Variants in FOXP1 observed in about 807,000 individuals in gnomAD.
The protein encoded by FOXP1 is forkhead box P1, also known as forkhead box protein P1.
Under a neutral mutation model 98.2 loss-of-function variants are expected in FOXP1, and 15 were observed. That is an observed-to-expected ratio of 0.15 (90% CI 0.10 to 0.24). The LOEUF (loss-of-function observed/expected upper bound fraction) is 0.24, where lower values mean the gene tolerates loss of function less well. FOXP1 is among the 10% of genes least tolerant of loss of function. The pLI, the probability that FOXP1 is intolerant of heterozygous loss-of-function variation, is 1.00. For synonymous variants in FOXP1, 371 were observed against 314.5 expected (o/e 1.18, Z -1.90); for missense variants, 633 against 848.5 (o/e 0.75, Z 3.15).
intron 3 of FOXP1, among the ~76,000 whole-genome samples, chr3:71,378,377 A>C (rs1248771377): frequency 3.6e-5 from 3 of 82,446 alleles, no homozygotes; most frequent in Admixed American, 2.5e-4. Flanking sequence ...GGTCTCAGTC[A>C]CCCCCAGTCA....
intron 2 of FOXP1, among the ~76,000 whole-genome samples, chr3:71,538,979 C>A (rs914407099): frequency 3.9e-5 from 6 of 152,052 alleles, no homozygotes; most frequent in African/African-American, 1.5e-4. Flanking sequence ...ATCAGCTGAC[C>A]ATAAATGTAA....
chr3:70,978,225 C>T (rs528297647), intron 14 of FOXP1, among the ~76,000 whole-genome samples, 196 bp from the exon 15 acceptor site: 3 of 152,342 alleles, frequency 2.0e-5, no homozygotes, highest in African/African-American at 7.2e-5. Context: ...ATATCTCTGG[C>T]AGCGGTCTCT....
chr3:71,392,386 C>G (rs548973533), intron 3 of FOXP1, among the ~76,000 whole-genome samples: 2 of 151,974 alleles, frequency 1.3e-5, no homozygotes, highest in African/African-American at 4.8e-5. Flanking sequence ...ATATAACAGT[C>G]GCGTTTAAAG....
At chr3:71,050,814 C>T (rs1488892927) in intron 9 of FOXP1, among the ~76,000 whole-genome samples, 2 of 152,148 alleles carry the variant, frequency 1.3e-5, no homozygotes, top group South Asian at 2.1e-4. Flanking sequence ...GATTTATGGG[C>T]GCATCAAACC....
intron 5 of FOXP1, among the ~76,000 whole-genome samples, chr3:71,226,698 C>T (rs142070637): frequency 6.6e-6 from 1 of 152,070 alleles, no homozygotes; most frequent in Non-Finnish European, 1.5e-5. Flanking sequence ...CTCTTAGTAT[C>T]CCTTTCTCTC....
chr3:71,064,724 C>G (rs1425258506), intron 7 of FOXP1: 32 of 819,372 alleles, frequency 3.9e-5, no homozygotes, highest in Non-Finnish European at 4.7e-5. Flanking sequence ...TCAGAACCCT[C>G]GGGCTCTCCT....
intron 3 of FOXP1, among the ~76,000 whole-genome samples, chr3:71,383,956 G>A (rs982123116): frequency 1.2e-4 from 18 of 152,298 alleles, no homozygotes; most frequent in African/African-American, 2.2e-4. Flanking sequence ...GGTGGCTCAC[G>A]CCTGTAATCC....
chr3:71,418,411 T>A (rs1410224533), intron 3 of FOXP1, among the ~76,000 whole-genome samples: 2 of 152,174 alleles, frequency 1.3e-5, no homozygotes, highest in African/African-American at 2.4e-5. Flanking sequence ...GCAGCATTTT[T>A]AAAAAATTTT....
At chr3:71,270,167 C>T (rs1482816694) in intron 5 of FOXP1, among the ~76,000 whole-genome samples, 2 of 152,108 alleles carry the variant, frequency 1.3e-5, no homozygotes, top group African/African-American at 2.4e-5. Flanking sequence ...ACTTTTTCAC[C>T]AGCAAGTTGT....
chr3:71,395,977 C>T (rs912573965), intron 3 of FOXP1, among the ~76,000 whole-genome samples: 1 of 152,068 alleles, frequency 6.6e-6, no homozygotes, highest in African/African-American at 2.4e-5. Context: ...GGCATCTTTG[C>T]ACCCACCAGG....
chr3:71,355,879 G>A (rs540659214), intron 4 of FOXP1, among the ~76,000 whole-genome samples: 4 of 152,250 alleles, frequency 2.6e-5, no homozygotes, highest in Admixed American at 6.5e-5. Flanking sequence ...CCAGGGTCAC[G>A]TGGTTGGCAC....
At chr3:71,104,362 T>A (rs1220173779) in intron 7 of FOXP1, among the ~76,000 whole-genome samples, 1 of 152,208 alleles carries the variant, frequency 6.6e-6, no homozygotes, top group East Asian at 1.9e-4. Flanking sequence ...CAAGACCTCA[T>A]TGTGGGATCA....
chr3:71,413,492 C>T (rs755577654), intron 3 of FOXP1, among the ~76,000 whole-genome samples: 20 of 152,050 alleles, frequency 1.3e-4, no homozygotes, highest in African/African-American at 3.4e-4. Flanking sequence ...TCTTTTTGTC[C>T]GTCACTAAAC....
chr3:71,390,222 G>A (rs1444178396), intron 3 of FOXP1, among the ~76,000 whole-genome samples: 3 of 152,108 alleles, frequency 2.0e-5, no homozygotes, highest in African/African-American at 4.8e-5. Context: ...CCTAAGTCAG[G>A]ACCTGCTGTA....
intron 19 of FOXP1, among the ~76,000 whole-genome samples, chr3:70,966,959 A>C (rs1459583321): frequency 2.0e-5 from 3 of 152,232 alleles, no homozygotes; most frequent in Middle Eastern, 3.4e-3. Context: ...TAAGGTACCC[A>C]AAAATTTGTT....
In FOXP1 at chr3:70,956,756, T is replaced by TAAAG. The variant is rs2031922007; in HGVS notation, c.*2490_*2491insCTTT. ...AGTTTTTTTTTTTTTTTTTTTTTTT[T>TAAAG]TTTTTTTTTTTTTTTTTAAAGTCTT... On this transcript the variant is annotated 3_prime_UTR_variant, in exon 21 of 21. Transcript: ENST00000649528. 1 of 191,456 alleles carries TAAAG rather than the reference T, an allele frequency of 5.2e-6. No individual in the cohort carries two copies. Among genetic ancestry groups the TAAAG allele is most frequent in the Non-Finnish European group, 1.0e-5 (1 of 100,386 alleles). 11.9% of individuals were successfully genotyped at this position (191,456 alleles called of 1,614,324 possible).
At chr3:71,340,224 G>T (rs1386144635) in intron 4 of FOXP1, among the ~76,000 whole-genome samples, 1 of 152,148 alleles carries the variant, frequency 6.6e-6, no homozygotes, top group Non-Finnish European at 1.5e-5. Flanking sequence ...CCATAGCACT[G>T]TTAGCAAAAA....
chr3:71,241,652 A>C (rs954105883), intron 5 of FOXP1, among the ~76,000 whole-genome samples: 1 of 152,240 alleles, frequency 6.6e-6, no homozygotes, highest in Non-Finnish European at 1.5e-5. Context: ...AAAGAAGTGG[A>C]AAATTAAAGC....
At chr3:71,152,293 G>A (rs536554181) in intron 6 of FOXP1, among the ~76,000 whole-genome samples, 62 of 152,310 alleles carry the variant, frequency 4.1e-4, no homozygotes, top group Non-Finnish European at 7.5e-4. Flanking sequence ...GGGATCCCAA[G>A]CCTCAGGTGG....
Sources: allele counts gnomAD v4.1 joint callset (sites outside exome capture counted in the v4.1 genomes callset), GRCh38; gene constraint gnomAD v4.1.1; transcripts MANE v1.5; gene names NCBI Gene and HGNC (gene_info 2026-07-23, HGNC 2026-07-21).